ADCY2: variants seen among roughly 807,000 people sequenced by gnomAD.
ADCY2 encodes the protein adenylate cyclase 2.
Under a neutral mutation model 125.2 loss-of-function variants are expected in ADCY2, and 31 were observed. The ratio of observed to expected loss-of-function variants is 0.25; its 90% CI spans 0.19 to 0.33. The LOEUF (loss-of-function observed/expected upper bound fraction) is 0.33. ADCY2 is among the 10% of genes least tolerant of loss of function. ADCY2 has a pLI of 1.00. For missense variants in ADCY2, 904 were observed against 1,418.2 expected (o/e 0.64, Z 5.82); for synonymous variants, 512 against 548.4 (o/e 0.93, Z 0.93).
intron 2 of ADCY2, among the ~76,000 whole-genome samples, chr5:7,447,762 T>C (rs919516885): frequency 4.6e-5 from 7 of 152,140 alleles, no homozygotes; most frequent in Non-Finnish European, 7.4e-5. Context: ...AGGTGGAAGA[T>C]GCTGTTGTAC....
At chr5:7,451,142 C>T (rs1032363376) in intron 2 of ADCY2, among the ~76,000 whole-genome samples, 5 of 152,200 alleles carry the variant, frequency 3.3e-5, no homozygotes, top group African/African-American at 1.2e-4. Context: ...AGTCTTATTA[C>T]TTCAGAAATA....
chr5:7,630,026 C>A (rs1277808871), intron 4 of ADCY2, among the ~76,000 whole-genome samples: 1 of 152,152 alleles, frequency 6.6e-6, no homozygotes, highest in Non-Finnish European at 1.5e-5. Flanking sequence ...TTAATCTGAA[C>A]CATCCTGTGG....
At chr5:7,503,820 C>T (rs1327519320) in intron 2 of ADCY2, among the ~76,000 whole-genome samples, 2 of 152,154 alleles carry the variant, frequency 1.3e-5, no homozygotes, top group Admixed American at 6.5e-5. Context: ...CTGGTTCAAC[C>T]CACAGTCAAA....
chr5:7,737,608 T>C (rs1742287594), intron 14 of ADCY2, among the ~76,000 whole-genome samples: 2 of 152,282 alleles, frequency 1.3e-5, no homozygotes, highest in South Asian at 4.1e-4. Context: ...GATAGAAATA[T>C]ACTTGAAAGC....
intron 2 of ADCY2, among the ~76,000 whole-genome samples, chr5:7,450,046 C>T (rs1344241561): frequency 6.6e-6 from 1 of 152,088 alleles, no homozygotes. Context: ...CTCCTTATTC[C>T]CAGAGACATG....
At chr5:7,557,493 A>G (rs1735564429) in intron 3 of ADCY2, among the ~76,000 whole-genome samples, 1 of 152,056 alleles carries the variant, frequency 6.6e-6, no homozygotes, top group Non-Finnish European at 1.5e-5. Flanking sequence ...CCTAGTACCC[A>G]TTAGTTATTT....
At chr5:7,405,293 T>C (rs940638710) in intron 1 of ADCY2, among the ~76,000 whole-genome samples, 5 of 151,952 alleles carry the variant, frequency 3.3e-5, no homozygotes, top group Non-Finnish European at 7.4e-5. Flanking sequence ...CTTAACAGAT[T>C]TGAACTACTC....
intron 2 of ADCY2, among the ~76,000 whole-genome samples, chr5:7,436,015 G>A (rs1401000654): frequency 6.6e-6 from 1 of 152,096 alleles, no homozygotes; most frequent in Non-Finnish European, 1.5e-5. Flanking sequence ...ATTATTTGCA[G>A]GTTCCATATT....
chr5:7,603,312 A>T (rs1214589784), intron 3 of ADCY2, among the ~76,000 whole-genome samples: 1 of 152,188 alleles, frequency 6.6e-6, no homozygotes, highest in East Asian at 1.9e-4. Context: ...GCTGATCAGC[A>T]GTGTTTCCCG....
intron 23 of ADCY2, among the ~76,000 whole-genome samples, chr5:7,819,990 C>G (rs1745245219): frequency 6.6e-6 from 1 of 152,202 alleles, no homozygotes; most frequent in South Asian, 2.1e-4. Flanking sequence ...AAGGCTGGAA[C>G]CGCAGGCCAG....
intron 22 of ADCY2, among the ~76,000 whole-genome samples, chr5:7,808,213 C>G (rs1042739595): frequency 6.6e-6 from 1 of 152,198 alleles, no homozygotes; most frequent in African/African-American, 2.4e-5. Context: ...TGTTTGCTAC[C>G]TGTCATTTTC....
chr5:7,803,405 T>C (rs1744660217), intron 21 of ADCY2, among the ~76,000 whole-genome samples: 1 of 152,230 alleles, frequency 6.6e-6, no homozygotes, highest in South Asian at 2.1e-4. Flanking sequence ...GCTCTTGGTC[T>C]CCGGTCAGCG....
At chr5:7,513,686 T>C (rs1260670631) in intron 2 of ADCY2, among the ~76,000 whole-genome samples, 3 of 152,188 alleles carry the variant, frequency 2.0e-5, no homozygotes, top group African/African-American at 7.2e-5. Context: ...TTGGCATTTC[T>C]AGTTGTATTC....
At chr5:7,747,310 A>G (rs62342478) in intron 15 of ADCY2, among the ~76,000 whole-genome samples, 5,738 of 152,298 alleles carry the variant, frequency 0.038, 148 homozygotes, top group Non-Finnish European at 0.052. Flanking sequence ...CTTAGCCTCC[A>G]TCATATAAGA....
intron 3 of ADCY2, among the ~76,000 whole-genome samples, chr5:7,546,462 C>T (rs559646213): frequency 1.1e-4 from 16 of 152,232 alleles, no homozygotes; most frequent in East Asian, 1.9e-4. Context: ...AGAGATGAAG[C>T]GACTGGCCCA....
intron 12 of ADCY2, among the ~76,000 whole-genome samples, chr5:7,722,529 C>A (rs567531590): frequency 6.3e-4 from 96 of 152,238 alleles, no homozygotes; most frequent in Non-Finnish European, 1.2e-3. Context: ...TTAATGTTAA[C>A]CAATCTTTGA....
At chr5:7,778,138 A>G (rs1194697691) in intron 18 of ADCY2, among the ~76,000 whole-genome samples, 2 of 152,220 alleles carry the variant, frequency 1.3e-5, no homozygotes, top group Non-Finnish European at 2.9e-5. Context: ...CTTCAAGGTG[A>G]TGGTGATGTT....
chr5:7,509,273 C>T (rs1743965251), intron 2 of ADCY2, among the ~76,000 whole-genome samples: 1 of 152,122 alleles, frequency 6.6e-6, no homozygotes, highest in South Asian at 2.1e-4. Flanking sequence ...GAAGATGACA[C>T]ATATGGTATA....
intron 4 of ADCY2, among the ~76,000 whole-genome samples, chr5:7,677,819 C>T (rs1025062530): frequency 3.3e-5 from 5 of 152,162 alleles, no homozygotes; most frequent in Non-Finnish European, 7.3e-5. Flanking sequence ...ATTTGTTTTG[C>T]AGCAATAGAT....
Sources: allele counts gnomAD v4.1 joint callset (sites outside exome capture counted in the v4.1 genomes callset), GRCh38; gene constraint gnomAD v4.1.1; transcripts MANE v1.5; gene names NCBI Gene and HGNC (gene_info 2026-07-23, HGNC 2026-07-21).